The following RFX3 variants were observed in gnomAD, a reference collection of about 807,000 sequenced individuals.
RFX3 encodes transcription factor RFX3.
Under a neutral mutation model 98.6 loss-of-function variants are expected in RFX3, and 14 were observed. That is an observed-to-expected ratio of 0.14 (90% confidence interval 0.09 to 0.22). The LOEUF is 0.22. Ranked by LOEUF, RFX3 falls within the 10% of genes least tolerant of loss-of-function variation. The pLI is 1.00. For synonymous variants in RFX3, 383 were observed against 328.4 expected, an observed-to-expected ratio of 1.17 and a Z score of -1.80; for missense variants, 639 against 926.9, an observed-to-expected ratio of 0.69 and a Z score of 4.03.
chr9:3,247,748 T>G lies in RFX3; in HGVS notation c.1968+284A>C, dbSNP rs886443976. ...TTCCCACTTAAAATATTTTTCATAT[T>G]CCAGTGGTTCTCAAGTTTTTCTTTT... On this transcript the variant is annotated intron_variant, in intron 15 of 16. Coordinates refer to ENST00000617270, the MANE Select transcript of RFX3 (RefSeq NM_001282116.2). The G allele has an allele frequency of 6.4e-6, 10 of 1,554,888 alleles. No individual in the cohort carries two copies. In the African/African-American group the frequency reaches 1.4e-4, roughly 22 times the overall value.
intron 2 of RFX3, among the ~76,000 whole-genome samples, chr9:3,351,977 A>C (rs1246044876): frequency 1.3e-5 from 2 of 151,978 alleles, no homozygotes; most frequent in African/African-American, 2.4e-5. Flanking sequence ...AAAAAATTTC[A>C]AAAAATACGT....
chr9:3,357,870 A>G (rs932445304), intron 2 of RFX3, among the ~76,000 whole-genome samples: 4 of 152,184 alleles, frequency 2.6e-5, no homozygotes, highest in African/African-American at 7.2e-5. Context: ...ATGAACAACT[A>G]TAATATATAT....
intron 1 of RFX3, among the ~76,000 whole-genome samples, chr9:3,408,386 C>G (rs1842152735): frequency 6.6e-6 from 1 of 152,106 alleles, no homozygotes; most frequent in African/African-American, 2.4e-5. Context: ...GGCCATCCTT[C>G]CTTGGTGCAT....
intron 15 of RFX3, among the ~76,000 whole-genome samples, chr9:3,233,276 C>T (rs1016016204): frequency 6.6e-6 from 1 of 152,182 alleles, no homozygotes; most frequent in Admixed American, 6.5e-5. Flanking sequence ...CTGAGAGACC[C>T]TGGGTTGTGG....
chr9:3,346,855 T>C (rs1309243471), intron 2 of RFX3, 91 bp from the exon 3 acceptor site: 1 of 776,118 alleles, frequency 1.3e-6, no homozygotes, highest in Non-Finnish European at 2.3e-6. Context: ...TATCCGGTAT[T>C]ATTGATAAAT....
At chr9:3,393,673 A>C (rs141266350) in intron 2 of RFX3, among the ~76,000 whole-genome samples, 1 of 148,566 alleles carries the variant, frequency 6.7e-6, no homozygotes, top group Admixed American at 6.6e-5. Flanking sequence ...GGCATTAATA[A>C]TAACAGAGCC....
At chr9:3,511,533 C>A (rs939987545) in intron 1 of RFX3, among the ~76,000 whole-genome samples, 1 of 152,016 alleles carries the variant, frequency 6.6e-6, no homozygotes, top group Non-Finnish European at 1.5e-5. Flanking sequence ...TCTTAGATGT[C>A]TCTTCCTTTA....
rs375788460 is a variant in RFX3, at chr9:3,350,581, G to C, written c.118-3817C>G. ...TTCCCTGGTGTTTACCCAAGGAGTT[G>C]TAAACTTACGTATACACAAAAACAG... is the stretch of plus-strand genomic sequence containing the variant. On this transcript the variant is annotated intron_variant, in intron 2 of 16. Transcript: ENST00000617270. Among the ~76,000 whole-genome samples, 197 of 152,184 alleles carry C rather than the reference G, an allele frequency of 1.3e-3. 2 individuals carry two copies. Among genetic ancestry groups the C allele is most frequent in the African/African-American group, 4.5e-3 (187 of 41,532 alleles).
chr9:3,285,233 C>T (rs144492239), intron 7 of RFX3, among the ~76,000 whole-genome samples: 204 of 151,832 alleles, frequency 1.3e-3, no homozygotes, highest in African/African-American at 4.3e-3. Flanking sequence ...ATTCAAACAA[C>T]GTGAATATTT....
rs1391109299 is a variant in RFX3 at position 3,218,667 on chromosome 9, G to C, written c.*6375C>G. 1 of 152,086 alleles carries C rather than the reference G, an allele frequency of 6.6e-6. No individual in the cohort carries two copies. The highest frequency in any genetic ancestry group is 2.4e-5 in the African/African-American group (1 of 41,436). The allele number at this position is 152,086 out of a possible 1,614,324, so 9.4% of individuals were successfully genotyped here. On this transcript the variant is annotated 3_prime_UTR_variant, in exon 17 of 17. Transcript: ENST00000617270. ...ACAAAAAACCATCACATGTTATTCGGTAAAGATGTTTTTAAATAATTAAAA... is the reference window on the plus strand; with the variant it reads ...ACAAAAAACCATCACATGTTATTCGCTAAAGATGTTTTTAAATAATTAAAA...
intron 2 of RFX3, among the ~76,000 whole-genome samples, chr9:3,394,304 A>T (rs536443006): frequency 6.6e-6 from 1 of 152,270 alleles, no homozygotes; most frequent in South Asian, 2.1e-4. Context: ...TCTACTAAAA[A>T]TACAAAAAAT....
intron 7 of RFX3, among the ~76,000 whole-genome samples, chr9:3,279,102 C>T (rs1308048493): frequency 6.6e-6 from 1 of 151,616 alleles, no homozygotes; most frequent in Non-Finnish European, 1.5e-5. Context: ...CTTAAAGAAT[C>T]ATCTTTGAGA....
chr9:3,225,076 C>G lies in RFX3; in HGVS notation c.2216G>C (p.Cys739Ser), dbSNP rs1219714961. The G allele has an allele frequency of 1.2e-6, 2 of 1,613,840 alleles. No individual in the cohort carries two copies. Among genetic ancestry groups the G allele is most frequent in the African/African-American group, 2.7e-5 (2 of 74,890 alleles). Residue 739 changes from cysteine (C) to serine (S), a missense_variant, in exon 17 of 17, where the codon TGC (cysteine) becomes TCC (serine). Physicochemically the swap from Cys to Ser is moderately radical, Grantham distance 112 (BLOSUM62 -1). Around this residue, in one of 9 missense-constraint regions of RFX3, gnomAD observed 129 missense variants for 124.6 expected, o/e 1.04. Coordinates refer to ENST00000617270, the MANE Select transcript of RFX3 (RefSeq NM_001282116.2). The part of the protein sequence containing the change: ...IVTSTQTIRQ[C>S]SATGNTYTAV Reference sequence around the variant, plus strand: ...AGTGTAGGTATTTCCTGTAGCGCTGCACTGTCTGATAGTCTGAGTACTTGT... The same window carrying G: ...AGTGTAGGTATTTCCTGTAGCGCTGGACTGTCTGATAGTCTGAGTACTTGT...
intron 1 of RFX3, among the ~76,000 whole-genome samples, chr9:3,483,112 G>C (rs1285578768): frequency 6.6e-6 from 1 of 152,108 alleles, no homozygotes; most frequent in Non-Finnish European, 1.5e-5. Context: ...TATTCCACTT[G>C]GATAGTGGAT....
chr9:3,396,198 A>G (rs539263018), intron 1 of RFX3, among the ~76,000 whole-genome samples: 2 of 149,522 alleles, frequency 1.3e-5, no homozygotes, highest in Admixed American at 6.7e-5. Flanking sequence ...CCTCCCCTCC[A>G]CCCCACAACA....
intron 14 of RFX3, among the ~76,000 whole-genome samples, chr9:3,255,562 T>C (rs918904966): frequency 6.6e-6 from 1 of 152,230 alleles, no homozygotes; most frequent in African/African-American, 2.4e-5. Flanking sequence ...CAGCTTTATC[T>C]AAAGAAGCTA....
chr9:3,512,818 T>A (rs1817777083), intron 1 of RFX3, among the ~76,000 whole-genome samples: 1 of 152,204 alleles, frequency 6.6e-6, no homozygotes, highest in East Asian at 1.9e-4. Context: ...CCATTCATAA[T>A]GTAATTTTTC....
In RFX3 at chr9:3,225,189, C is replaced by T; in HGVS notation, c.2103G>A (p.Gln701=). 1 of 1,613,920 alleles carries T rather than the reference C, an allele frequency of 6.2e-7. No homozygotes were observed. The highest frequency in any genetic ancestry group is 2.2e-5 in the East Asian group (1 of 44,856). The change falls in exon 17 of 17, where the codon CAG becomes CAA. Residue 701 remains glutamine (Q), a synonymous_variant. Transcript: ENST00000617270. ...QAKREKTELS[Q]AFPVGCMQPV... ...GCTGCATGCAGCCCACTGGAAATGC[C>T]TGGCTCAGCTCTGTTTTCTCTCTTT...
At chr9:3,350,702 C>T (rs1835004505) in intron 2 of RFX3, among the ~76,000 whole-genome samples, 1 of 152,064 alleles carries the variant, frequency 6.6e-6, no homozygotes, top group South Asian at 2.1e-4. Flanking sequence ...AACTGCACTA[C>T]ACATCAAAAC....
Sources: gnomAD v4.1 joint callset for allele counts (sites outside exome capture counted in the v4.1 genomes callset) on GRCh38, gnomAD v4.1.1 for gene constraint, gnomAD v4.1.1 regional missense constraint, MANE v1.5 for transcripts, NCBI Gene and HGNC (gene_info 2026-07-23, HGNC 2026-07-21) for gene names.